Variants in TCHHL1 observed in about 807,000 individuals in gnomAD.
TCHHL1 encodes the protein trichohyalin like 1, also known as trichohyalin-like protein 1.
Under a neutral mutation model 3.5 loss-of-function variants are expected in TCHHL1, and 1 was observed. The observed-to-expected ratio is 0.29, with a 90% CI of 0.10 to 1.36. TCHHL1 has a LOEUF of 1.36. TCHHL1 is among the 40% of genes most tolerant of loss of function. The pLI, the probability that TCHHL1 is intolerant of heterozygous loss-of-function variation, is 0.43. For synonymous variants in TCHHL1, 405 were observed against 375.3 expected, an observed-to-expected ratio of 1.08 and a Z score of -0.92; for missense variants, 1,027 against 1,032.8, an observed-to-expected ratio of 0.99 and a Z score of 0.08.
In TCHHL1 at chr1:152,085,254, G is replaced by T. The variant is rs1657695805; in HGVS notation, c.2428C>A (p.Leu810Met). 1.2e-6 allele frequency: 2 copies of T among 1,614,220 alleles called. No individual in the cohort carries two copies. Among genetic ancestry groups the T allele is most frequent in the Non-Finnish European group, 1.7e-6 (2 of 1,180,028 alleles). Residue 810 changes from leucine (L) to methionine (M), a missense_variant, in exon 3 of 3, where the codon CTG (leucine) becomes ATG (methionine). Transcript: ENST00000368806. ...TCTTGGGTTACATTTGTTTGCTGCA[G>T]TATCTTCTCCTGTAGGTACTGGTAT... ...PLYQYLQEKI[L>M]QQTNVTQEEH...
chr1:152,086,361 C>A lies in TCHHL1; in HGVS notation c.1321G>T (p.Gly441Cys), dbSNP rs1657724994. ...GAGCTTAGATATTGTGTCTCAGAAC[C>A]TTTTTCAGCATCTTTTGATTTTGAT... ...GLSKSKDAEK[G>C]SETQYLSSEG... Residue 441 changes from glycine to cysteine, a missense_variant, in exon 3 of 3, where the codon GGT becomes TGT. By Grantham distance (159) the Gly-to-Cys change is radical (BLOSUM62 -3). Around this residue, in one of 3 missense-constraint regions of TCHHL1, gnomAD observed 673 missense variants for 658.6 expected, o/e 1.02. Transcript: ENST00000368806. 1 of 1,614,024 alleles carries A rather than the reference C, an allele frequency of 6.2e-7. No homozygotes were observed. The highest frequency in any genetic ancestry group is 8.5e-7 in the Non-Finnish European group (1 of 1,180,020).
chr1:152,088,424 A>C lies in TCHHL1; in HGVS notation c.-20-261T>G, dbSNP rs539331963. Among the ~76,000 whole-genome samples the C allele has an allele frequency of 5.9e-5, 9 of 152,270 alleles. No homozygotes were observed. In the South Asian group the frequency reaches 1.2e-3, roughly 21 times the overall value. ...ACAGCAACATTCATGTGCTCAGAGA[A>C]AGCTTCATTGCAAAAGGAAGGTGAT... On this transcript the variant is annotated intron_variant, in intron 1 of 2. Coordinates refer to ENST00000368806, the MANE Select transcript of TCHHL1 (RefSeq NM_001008536.2).
chr1:152,085,469 G>T lies in TCHHL1; in HGVS notation c.2213C>A (p.Thr738Lys), dbSNP rs774720731. 4 of 1,614,178 alleles carry T rather than the reference G, an allele frequency of 2.5e-6. No individual in the cohort carries two copies. The highest frequency in any genetic ancestry group is 1.1e-5 in the South Asian group (1 of 91,084). Reference protein sequence around the residue: ...NSASLKIQLETKEPVTSEEED... With the variant: ...NSASLKIQLEKKEPVTSEEED... ...CTCCTCTGATGTTACAGGTTCCTTT[G>T]TTTCAAGTTGTATCTTGAGGGAGGC... The change falls in exon 3 of 3, where the codon ACA (threonine) becomes AAA (lysine). Residue 738 changes from threonine (T) to lysine (K), a missense_variant. Coordinates refer to ENST00000368806, the MANE Select transcript of TCHHL1 (RefSeq NM_001008536.2).
In TCHHL1 at chr1:152,086,856, G is replaced by C; in HGVS notation, c.826C>G (p.Gln276Glu). 1 of 1,614,118 alleles carries C rather than the reference G, an allele frequency of 6.2e-7. No individual in the cohort carries two copies. The highest frequency in any genetic ancestry group is 8.5e-7 in the Non-Finnish European group (1 of 1,180,012). ...TTTTCCTTTTCTGTTCTAACTTCCT[G>C]ATCTTCACATGGTCTTTGTGTTGCT... is the stretch of plus-strand genomic sequence containing the variant. ...KEATQRPCED[Q>E]EVRTEKEKHS... The change falls in exon 3 of 3, where the codon CAG (glutamine) becomes GAG (glutamate). Residue 276 changes from glutamine (Q) to glutamate (E), a missense_variant. By Grantham distance (29) the Gln-to-Glu change is conservative (BLOSUM62 2). This residue lies in a region of TCHHL1 where 338 missense variants were observed against 335.9 expected (regional missense o/e 1.01). Transcript: ENST00000368806.
At position 152,084,973 on chromosome 1, in the gene TCHHL1, C is replaced by T. The variant is rs1401545466; in HGVS notation, c.2709G>A (p.Lys903=). Residue 903 remains lysine (K), a synonymous_variant, in exon 3 of 3, where the codon AAG becomes AAA. Transcript: ENST00000368806. ...LVLQREASTT[K]Q ...ATGTTGAGATGATAATGATTCATTG[C>T]TTTGTGGTGCTTGCCTCCCTTTGTA... 2 of 1,612,298 alleles carry T rather than the reference C, an allele frequency of 1.2e-6. No homozygotes were observed. Among genetic ancestry groups the T allele is most frequent in the Middle Eastern group, 3.3e-4 (2 of 6,044 alleles).
chr1:152,086,493 G>A lies in TCHHL1; in HGVS notation c.1189C>T (p.Pro397Ser), dbSNP rs777680019. The change falls in exon 3 of 3, where the codon CCT (proline) becomes TCT (serine). Residue 397 changes from proline (P) to serine (S), a missense_variant. By Grantham distance (74) the Pro-to-Ser change is moderately conservative. Around this residue, in one of 3 missense-constraint regions of TCHHL1, gnomAD observed 673 missense variants for 658.6 expected, o/e 1.02. Transcript: ENST00000368806. The part of the protein sequence containing the change: ...MRDERKERRG[P>S]EAHGTAGQKE... ...TGCCCTGCTGTTCCATGGGCCTCAG[G>A]ACCTCTCCTCTCTTTCCTTTCATCT... The A allele has an allele frequency of 2.5e-6, 4 of 1,614,106 alleles. No homozygotes were observed. The highest frequency in any genetic ancestry group is 3.4e-6 in the Non-Finnish European group (4 of 1,180,016).
rs975909719 is a variant in TCHHL1 at position 152,085,115 on chromosome 1, G to C, written c.2567C>G (p.Ser856Ter). ...TGGAAGTCCCCTGGTATATGGTTGTGATGCTTGGCTGTAGTTGAAAAAGAC... is the reference window on the plus strand; with the variant it reads ...TGGAAGTCCCCTGGTATATGGTTGTCATGCTTGGCTGTAGTTGAAAAAGAC... ...CSVFFNYSQA[S>*]QPYTRGLPLD... Residue 856 changes from serine (S) to a stop codon, truncating the protein, a stop_gained, in exon 3 of 3, where the codon TCA becomes TGA. Transcript: ENST00000368806. LOFTEE classifies it low-confidence loss of function (END_TRUNC). 6 of 1,614,088 alleles carry C rather than the reference G, an allele frequency of 3.7e-6. No individual in the cohort carries two copies. Among genetic ancestry groups the C allele is most frequent in the Non-Finnish European group, 5.1e-6 (6 of 1,180,030 alleles).
chr1:152,086,218 T>G lies in TCHHL1; in HGVS notation c.1464A>C (p.Ala488=). ...EAFVNSKNAP[A]AERTLGARER... ...CTCTTGCCCCCAGTGTCCTTTCTGC[T>G]GCAGGTGCGTTTTTGCTGTTCACAA... is the stretch of plus-strand genomic sequence containing the variant. The change falls in exon 3 of 3, where the codon GCA becomes GCC. Residue 488 remains alanine (A), a synonymous_variant. Transcript: ENST00000368806. The G allele has an allele frequency of 6.2e-7, 1 of 1,614,242 alleles. No homozygotes were observed. Among genetic ancestry groups the G allele is most frequent in the Non-Finnish European group, 8.5e-7 (1 of 1,180,044 alleles).
In TCHHL1 at chr1:152,085,205, A is replaced by C. The variant is rs1271390027; in HGVS notation, c.2477T>G (p.Ile826Arg). The C allele has an allele frequency of 3.1e-6, 5 of 1,614,200 alleles. No homozygotes were observed. The change falls in exon 3 of 3, where the codon ATA (isoleucine) becomes AGA (arginine). Residue 826 changes from isoleucine (I) to arginine (R), a missense_variant. Ile to Arg is a moderately conservative substitution (Grantham distance 97, BLOSUM62 -3). This residue lies in a region of TCHHL1 where 673 missense variants were observed against 658.6 expected (regional missense o/e 1.02). Coordinates refer to ENST00000368806, the MANE Select transcript of TCHHL1 (RefSeq NM_001008536.2). ...TQEEHQKQVQ[I>R]AQASGPELCS... ...AAGCTCTGGGCCTGATGCCTGGGCT[A>C]TCTGAACTTGCTTTTGATGCTCCTC... is the stretch of plus-strand genomic sequence containing the variant.
chr1:152,088,391 T>C (rs1273410233), intron 1 of TCHHL1, among the ~76,000 whole-genome samples: 1 of 152,190 alleles, frequency 6.6e-6, no homozygotes, highest in Non-Finnish European at 1.5e-5. Context: ...CACCCCACTC[T>C]TCAGTAAACA....
chr1:152,085,966 GT>G lies in TCHHL1; in HGVS notation c.1715del (p.Asp572AlafsTer99), dbSNP rs780711414. 6.2e-7 allele frequency: 1 copy of G among 1,614,170 alleles called. No homozygotes were observed. Among genetic ancestry groups the G allele is most frequent in the South Asian group, 1.1e-5 (1 of 91,066 alleles). On this transcript the variant is annotated frameshift_variant, in exon 3 of 3. Transcript: ENST00000368806. LOFTEE classifies it low-confidence loss of function (END_TRUNC). ...CATGTTGGTCCCCTTGACTCTGGGA[GT>G]CCCCTTGCACAGGCAGTTCACCTGT... is the stretch of plus-strand genomic sequence containing the variant. ...SETGELPVQG[D>X]SQSQGDQHGE...
chr1:152,085,035 C>G lies in TCHHL1; in HGVS notation c.2647G>C (p.Asp883His), dbSNP rs1173320810. ...QETPAPQALEDKQGHPQRERL... is the reference protein window; with the variant it reads ...QETPAPQALEHKQGHPQRERL... ...TCTCTCTGAGGGTGACCTTGCTTAT[C>G]TTCCAAGGCCTGGGGAGCTGGTGTT... The change falls in exon 3 of 3, where the codon GAT (aspartate) becomes CAT (histidine). Residue 883 changes from aspartate (D) to histidine (H), a missense_variant. Coordinates refer to ENST00000368806, the MANE Select transcript of TCHHL1 (RefSeq NM_001008536.2). 6.2e-7 allele frequency: 1 copy of G among 1,614,114 alleles called. No homozygotes were observed. The highest frequency in any genetic ancestry group is 1.1e-5 in the South Asian group (1 of 91,082).
chr1:152,089,015 C>T lies in TCHHL1; in HGVS notation c.-21+5G>A, dbSNP rs1205737477. 2 of 152,106 alleles carry T rather than the reference C, an allele frequency of 1.3e-5. No homozygotes were observed. The highest frequency in any genetic ancestry group is 2.9e-5 in the Non-Finnish European group (2 of 68,038). 9.4% of individuals were successfully genotyped at this position (152,106 alleles called of 1,614,324 possible). A position where few individuals can be genotyped will look rare whatever the true frequency, so the allele number is the denominator to read the frequency against. ...TCCCAAGTATGCTCAAGCAGATGGA[C>T]TTACCTAGTTCACAAGCGAGAGCAG... On this transcript the variant is annotated splice_donor_5th_base_variant and intron_variant, in intron 1 of 2. Transcript: ENST00000368806.
chr1:152,086,226 C>A lies in TCHHL1; in HGVS notation c.1456G>T (p.Ala486Ser). 6.2e-7 allele frequency: 1 copy of A among 1,614,158 alleles called. No homozygotes were observed. The highest frequency in any genetic ancestry group is 8.5e-7 in the Non-Finnish European group (1 of 1,180,036). The part of the protein sequence containing the change: ...TAEAFVNSKN[A>S]PAAERTLGAR... ...CCCAGTGTCCTTTCTGCTGCAGGTG[C>A]GTTTTTGCTGTTCACAAATGCTTCT... is the stretch of plus-strand genomic sequence containing the variant. The change falls in exon 3 of 3, where the codon GCA (alanine) becomes TCA (serine). Residue 486 changes from alanine (A) to serine (S), a missense_variant. Around this residue, in one of 3 missense-constraint regions of TCHHL1, gnomAD observed 673 missense variants for 658.6 expected, o/e 1.02. Transcript: ENST00000368806.
rs367893905 is a variant in TCHHL1 at position 152,085,188 on chromosome 1, G to T, written c.2494C>A (p.Pro832Thr). ...GTGAGGGATACACTGCAAAGCTCTG[G>T]GCCTGATGCCTGGGCTATCTGAACT... ...KQVQIAQASG[P>T]ELCSVSLTSE... Residue 832 changes from proline to threonine, a missense_variant, in exon 3 of 3, where the codon CCA becomes ACA. By Grantham distance (38) the Pro-to-Thr change is conservative. Around this residue, in one of 3 missense-constraint regions of TCHHL1, gnomAD observed 673 missense variants for 658.6 expected, o/e 1.02. Coordinates refer to ENST00000368806, the MANE Select transcript of TCHHL1 (RefSeq NM_001008536.2). The T allele has an allele frequency of 8.7e-6, 14 of 1,614,040 alleles. No homozygotes were observed. Among genetic ancestry groups the T allele is most frequent in the Non-Finnish European group, 1.2e-5 (14 of 1,180,046 alleles).
intron 2 of TCHHL1, 70 bp from the exon 3 acceptor site, chr1:152,087,613 T>C: frequency 1.4e-6 from 2 of 1,453,590 alleles, no homozygotes; most frequent in Non-Finnish European, 1.8e-6. Flanking sequence ...CTCCCAAGAA[T>C]CCTATTTTTC....
chr1:152,085,060 TTCCTG>T lies in TCHHL1; in HGVS notation c.2617_2621del (p.Gln873AsnfsTer10). ...CTTCCAAGGCCTGGGGAGCTGGTGTTTCCTGTGCACCAGCAGGACTCTCATCAAGT... is the reference window on the plus strand; with the variant it reads ...CTTCCAAGGCCTGGGGAGCTGGTGTTTGCACCAGCAGGACTCTCATCAAGT... On this transcript the variant is annotated frameshift_variant, in exon 3 of 3. Transcript: ENST00000368806. LOFTEE classifies it low-confidence loss of function (END_TRUNC). The T allele has an allele frequency of 6.2e-7, 1 of 1,614,004 alleles. No homozygotes were observed. The highest frequency in any genetic ancestry group is 8.5e-7 in the Non-Finnish European group (1 of 1,179,970).
At position 152,086,667 on chromosome 1, in the gene TCHHL1, C is replaced by G; in HGVS notation, c.1015G>C (p.Asp339His). 1 of 1,614,172 alleles carries G rather than the reference C, an allele frequency of 6.2e-7. No individual in the cohort carries two copies. Among genetic ancestry groups the G allele is most frequent in the East Asian group, 2.2e-5 (1 of 44,876 alleles). ...RMFDTQEPGK[D>H]ADQTPAKTKN... ...GTTTTAGCTGGTGTCTGGTCAGCAT[C>G]CTTTCCTGGTTCTTGAGTGTCAAAC... The change falls in exon 3 of 3, where the codon GAT (aspartate) becomes CAT (histidine). Residue 339 changes from aspartate to histidine, a missense_variant. This residue lies in a region of TCHHL1 where 673 missense variants were observed against 658.6 expected (regional missense o/e 1.02). Transcript: ENST00000368806.
At position 152,086,994 on chromosome 1, in the gene TCHHL1, C is replaced by T. The variant is rs1456657807; in HGVS notation, c.688G>A (p.Glu230Lys). Residue 230 changes from glutamate to lysine, a missense_variant, in exon 3 of 3, where the codon GAG becomes AAG. Glu to Lys is a moderately conservative substitution (Grantham distance 56, BLOSUM62 1). Transcript: ENST00000368806. ...GGTTCATCTCCTTCCTGGGAGATCT[C>T]CTTATCTTGTCCCTTCCTCTCTGTG... Reference protein sequence around the residue: ...SPTERKGQDKEISQEGDEPAR... With the variant: ...SPTERKGQDKKISQEGDEPAR... 5.0e-6 allele frequency: 8 copies of T among 1,613,906 alleles called. No individual in the cohort carries two copies. In the South Asian group the frequency reaches 7.7e-5, roughly 16 times the overall value.
Sources: gnomAD v4.1 joint callset for allele counts (sites outside exome capture counted in the v4.1 genomes callset) on GRCh38, gnomAD v4.1.1 for gene constraint, gnomAD v4.1.1 regional missense constraint, MANE v1.5 for transcripts, NCBI Gene and HGNC (gene_info 2026-07-23, HGNC 2026-07-21) for gene names.